OBI1: variants seen among roughly 807,000 people sequenced by gnomAD.
OBI1 encodes ring finger protein 219.
Under a neutral mutation model 62.4 loss-of-function variants are expected in OBI1, and 59 were observed. That is an observed-to-expected ratio of 0.95 (90% CI 0.77 to 1.17). The LOEUF (loss-of-function observed/expected upper bound fraction) is 1.17. Among genes scored for constraint, OBI1 ranks in the 50% most tolerant of loss-of-function variants. The pLI is 0.00. For missense variants in OBI1, 875 were observed against 830.9 expected, an observed-to-expected ratio of 1.05 and a Z score of -0.65; for synonymous variants, 302 against 292.8, an observed-to-expected ratio of 1.03 and a Z score of -0.32.
At chr13:78,655,510 A>T (rs183740092) in intron 1 of OBI1, among the ~76,000 whole-genome samples, 1 of 152,314 alleles carries the variant, frequency 6.6e-6, no homozygotes, top group Non-Finnish European at 1.5e-5. Flanking sequence ...ACTGAAGTAG[A>T]GACAGAGGTG....
In OBI1 at chr13:78,659,111, T is replaced by G. The variant is rs1451013646; in HGVS notation, c.10A>C (p.Thr4Pro). Residue 4 changes from threonine to proline, a missense_variant, in exon 1 of 6, where the codon ACC (threonine) becomes CCC (proline). Thr to Pro is a conservative substitution (Grantham distance 38). Transcript: ENST00000282003. MAQ[T>P]VQNVTLSLTL... ...AGCGACAATGTAACATTCTGCACGG[T>G]CTGAGCCATGGCAGCGTTCAGAATC... 1 of 1,611,086 alleles carries G rather than the reference T, an allele frequency of 6.2e-7. No homozygotes were observed. The highest frequency in any genetic ancestry group is 8.5e-7 in the Non-Finnish European group (1 of 1,179,186).
Position 78,616,516 on chromosome 13 carries a change from AC to A in OBI1, c.1244del (p.Gly415ValfsTer33). 1 of 1,614,150 alleles carries A rather than the reference AC, an allele frequency of 6.2e-7. No individual in the cohort carries two copies. Among genetic ancestry groups the A allele is most frequent in the Non-Finnish European group, 8.5e-7 (1 of 1,180,030 alleles). ...TGAGATGGTTTGAGTGCTTTTTGGA[AC>A]CTCCTGCTTGGACCACAGAGCTCTC... ...NRESSVVQAG[G>X]SKKHSNHLRK... On this transcript the variant is annotated frameshift_variant, in exon 6 of 6. Transcript: ENST00000282003. LOFTEE classifies it high-confidence loss of function.
chr13:78,641,269 T>C (rs558906224), intron 3 of OBI1, among the ~76,000 whole-genome samples: 1 of 152,310 alleles, frequency 6.6e-6, no homozygotes, highest in Non-Finnish European at 1.5e-5. Context: ...TAAATTGCAA[T>C]ACATTTCAAC....
At chr13:78,658,621 A>C (rs559100659) in intron 1 of OBI1, among the ~76,000 whole-genome samples, 1 of 152,334 alleles carries the variant, frequency 6.6e-6, no homozygotes, top group South Asian at 2.1e-4. Context: ...GATGAACACT[A>C]GTTACAGAGG....
At chr13:78,621,823 A>G (rs1256383928) in intron 5 of OBI1, among the ~76,000 whole-genome samples, 1 of 152,230 alleles carries the variant, frequency 6.6e-6, no homozygotes, top group Non-Finnish European at 1.5e-5. Flanking sequence ...CTCTTTCACG[A>G]TATTGAGAGC....
At chr13:78,658,063 AG>A (rs1333632660) in intron 1 of OBI1, among the ~76,000 whole-genome samples, 4 of 152,206 alleles carry the variant, frequency 2.6e-5, no homozygotes, top group African/African-American at 9.6e-5. Context: ...AAATTCACAC[AG>A]AACTTCAAAC....
chr13:78,624,184 G>A (rs1042585516), intron 5 of OBI1, among the ~76,000 whole-genome samples: 3 of 152,038 alleles, frequency 2.0e-5, no homozygotes, highest in African/African-American at 7.2e-5. Flanking sequence ...ATAATTAAGA[G>A]AAATAAAAAA....
chr13:78,646,852 G>C lies in OBI1; in HGVS notation c.73-1855C>G, dbSNP rs574868567. On this transcript the variant is annotated intron_variant, in intron 1 of 5. Coordinates refer to ENST00000282003, the MANE Select transcript of OBI1 (RefSeq NM_024546.4). ...ACTGTTACTGTGTCTATGTAGAAAAGGAAGACATAAGAAACTCCATTTTGA... is the reference window on the plus strand; with the variant it reads ...ACTGTTACTGTGTCTATGTAGAAAACGAAGACATAAGAAACTCCATTTTGA... Among the ~76,000 whole-genome samples the C allele has an allele frequency of 1.9e-3, 283 of 152,244 alleles. 1 individual carries two copies. The highest frequency in any genetic ancestry group is 6.5e-3 in the African/African-American group (268 of 41,542).
intron 1 of OBI1, 138 bp downstream of exon 1, chr13:78,658,911 C>T (rs1173672916): frequency 1.5e-6 from 1 of 676,954 alleles, no homozygotes; most frequent in Non-Finnish European, 2.6e-6. Context: ...CGCGGCCTCC[C>T]ATCAAGAACG....
chr13:78,652,965 G>A (rs566118321), intron 1 of OBI1, among the ~76,000 whole-genome samples: 1 of 152,202 alleles, frequency 6.6e-6, no homozygotes, highest in African/African-American at 2.4e-5. Flanking sequence ...AGTTCTTGGG[G>A]CAGATATATT....
At position 78,614,636 on chromosome 13, in the gene OBI1, A is replaced by C. The variant is rs1875183020; in HGVS notation, c.*944T>G. On this transcript the variant is annotated 3_prime_UTR_variant, in exon 6 of 6. Coordinates refer to ENST00000282003, the MANE Select transcript of OBI1 (RefSeq NM_024546.4). Reference sequence around the variant, plus strand: ...ACCATGCATAGTTTCCACAAAGAACAGGAACATGCAAACAAGAAACATACT... The same window carrying C: ...ACCATGCATAGTTTCCACAAAGAACCGGAACATGCAAACAAGAAACATACT... The C allele has an allele frequency of 6.6e-6, 1 of 152,550 alleles. No homozygotes were observed. Among genetic ancestry groups the C allele is most frequent in the Non-Finnish European group, 1.5e-5 (1 of 68,040 alleles). The allele number at this position is 152,550 out of a possible 1,614,324, so 9.4% of individuals were successfully genotyped here.
intron 1 of OBI1, among the ~76,000 whole-genome samples, chr13:78,656,304 C>T (rs999231110): frequency 2.0e-5 from 3 of 152,154 alleles, no homozygotes; most frequent in African/African-American, 7.2e-5. Flanking sequence ...GTAACTTAAG[C>T]TGGGAGTGGT....
At position 78,638,970 on chromosome 13, in the gene OBI1, C is replaced by A. The variant is rs1374750172; in HGVS notation, c.402G>T (p.Val134=). Residue 134 remains valine (V), a synonymous_variant, in exon 4 of 6, where the codon GTG becomes GTT. Transcript: ENST00000282003. ...IKTILDPLTL[V]QGNQNEDKHL... ...GTTTGTCTTCATTTTGGTTGCCCTG[C>A]ACCAAGGTTAAAGGATCCAGAATAG... 4 of 1,613,966 alleles carry A rather than the reference C, an allele frequency of 2.5e-6. No individual in the cohort carries two copies. The highest frequency in any genetic ancestry group is 2.2e-5 in the South Asian group (2 of 91,078).
chr13:78,656,137 T>C (rs981649511), intron 1 of OBI1, among the ~76,000 whole-genome samples: 34 of 152,216 alleles, frequency 2.2e-4, no homozygotes, highest in African/African-American at 7.5e-4. Flanking sequence ...TCAATGGCTA[T>C]AGTAAAAGCT....
intron 5 of OBI1, among the ~76,000 whole-genome samples, chr13:78,619,379 G>A (rs1875437195): frequency 6.6e-6 from 1 of 151,138 alleles, no homozygotes; most frequent in Non-Finnish European, 1.5e-5. Flanking sequence ...ATATGGTTTG[G>A]AGTTGAAGTC....
chr13:78,635,007 T>C (rs763649057), intron 5 of OBI1, 103 bp downstream of exon 5: 7 of 645,820 alleles, frequency 1.1e-5, no homozygotes, highest in Admixed American at 3.2e-5. Flanking sequence ...TACCTAAATC[T>C]ACATGATTAA....
intron 1 of OBI1, 95 bp downstream of exon 1, chr13:78,658,954 A>ACGCCCCTTCCC: frequency 1.8e-6 from 2 of 1,121,932 alleles, no homozygotes; most frequent in Non-Finnish European, 2.6e-6. Flanking sequence ...TCCGCGCCTC[A>ACGCCCCTTCCC]CGCCCCTTCC....
At position 78,654,012 on chromosome 13, in the gene OBI1, A is replaced by T. The variant is rs998923949; in HGVS notation, c.72+5037T>A. Among the ~76,000 whole-genome samples, 4 of 133,216 alleles carry T rather than the reference A, an allele frequency of 3.0e-5. No individual in the cohort carries two copies. The South Asian group carries it at 1.1e-3, about 37-fold the overall frequency. The allele number at this position is 133,216 out of a possible 152,430, so 87.4% of individuals were successfully genotyped here. A position where few individuals can be genotyped will look rare whatever the true frequency, so the allele number is the denominator to read the frequency against. The stretch of plus-strand genomic sequence containing the variant: ...AATCCCTGGTTCTGGGCCAGAATTT[A>T]GGTCCTATAACTTAAGGAAAAAAAA... On this transcript the variant is annotated intron_variant, in intron 1 of 5. Transcript: ENST00000282003.
chr13:78,652,974 T>A (rs968372367), intron 1 of OBI1, among the ~76,000 whole-genome samples: 1 of 152,178 alleles, frequency 6.6e-6, no homozygotes, highest in South Asian at 2.1e-4. Context: ...GGCAGATATA[T>A]TAACCTTACA....
Sources: allele counts gnomAD v4.1 joint callset (sites outside exome capture counted in the v4.1 genomes callset), GRCh38; gene constraint gnomAD v4.1.1; transcripts MANE v1.5; gene names NCBI Gene and HGNC (gene_info 2026-07-23, HGNC 2026-07-21).